The following CBX7 variants were observed in gnomAD, a reference collection of about 807,000 sequenced individuals.
CBX7 encodes chromobox 7.
A neutral mutation model predicts 31.4 loss-of-function variants in CBX7; 14 were observed. The ratio of observed to expected loss-of-function variants is 0.45; its 90% confidence interval spans 0.29 to 0.70. The LOEUF (loss-of-function observed/expected upper bound fraction) is 0.70. Among genes scored for constraint, CBX7 ranks in the 30% least tolerant of loss-of-function variants. The probability of loss-of-function intolerance (pLI) is 0.11; values close to 1 mark genes in which losing one functional copy is unlikely to be tolerated. For missense variants in CBX7, 269 were observed against 351.9 expected (o/e 0.76, Z 1.89); for synonymous variants, 159 against 152.6 (o/e 1.04, Z -0.31).
intron 2 of CBX7, among the ~76,000 whole-genome samples, chr22:39,142,269 CTG>C (rs901222923): frequency 1.8e-4 from 27 of 152,300 alleles, no homozygotes; most frequent in African/African-American, 6.5e-4. Flanking sequence ...CGTCAGCGCA[CTG>C]TGTTTGCTGC....
chr22:39,133,244 G>T lies in CBX7; in HGVS notation c.*647C>A, dbSNP rs1930110632. On this transcript the variant is annotated 3_prime_UTR_variant, in exon 6 of 6. Transcript: ENST00000216133. The stretch of plus-strand genomic sequence containing the variant: ...TAATGCGTGCACACCTGTGCAGCCA[G>T]GTGTGCATGAGCGTTTCTGCACAGG... The T allele has an allele frequency of 6.6e-6, 1 of 152,224 alleles. No homozygotes were observed. Among genetic ancestry groups the T allele is most frequent in the Non-Finnish European group, 1.5e-5 (1 of 68,094 alleles). The allele number at this position is 152,224 out of a possible 1,614,324, so 9.4% of individuals were successfully genotyped here. A position where few individuals can be genotyped will look rare whatever the true frequency, so the allele number is the denominator to read the frequency against.
Position 39,152,335 on chromosome 22 carries a change from AC to A in CBX7, c.69+40del. Reference sequence around the variant, plus strand: ...GGGAGCGGTGCTGGGGACGGGAGGGACCCCACTGGGGTCCTGGGAGCCGCCC... The same window carrying A: ...GGGAGCGGTGCTGGGGACGGGAGGGACCCACTGGGGTCCTGGGAGCCGCCC... On this transcript the variant is annotated intron_variant, in intron 1 of 5. Transcript: ENST00000216133. The surrounding 1 kb of genome is among the most constrained non-coding windows in gnomAD (Gnocchi z 4.9). The A allele has an allele frequency of 1.5e-6, 2 of 1,301,414 alleles. No homozygotes were observed. Among genetic ancestry groups the A allele is most frequent in the South Asian group, 3.5e-5 (2 of 56,980 alleles). 80.6% of individuals were successfully genotyped at this position (1,301,414 alleles called of 1,614,324 possible).
At chr22:39,143,505 C>T (rs1452042314) in intron 2 of CBX7, among the ~76,000 whole-genome samples, 2 of 152,130 alleles carry the variant, frequency 1.3e-5, no homozygotes, top group Non-Finnish European at 2.9e-5. Flanking sequence ...AAAAATATTT[C>T]TGTATAAATT....
intron 2 of CBX7, among the ~76,000 whole-genome samples, chr22:39,145,567 G>A (rs1422571982): frequency 6.6e-6 from 1 of 151,944 alleles, no homozygotes; most frequent in Non-Finnish European, 1.5e-5. Context: ...GTGGACACCG[G>A]GGGACTGCGG....
rs1184556630 is a variant in CBX7, at chr22:39,131,067, A to G, written c.*2824T>C. Reference sequence around the variant, plus strand: ...TCTTGTGCTGAGACCTGGTGGCCGCAGCTGGCCACTTCGAAAGCAAAAGCT... The same window carrying G: ...TCTTGTGCTGAGACCTGGTGGCCGCGGCTGGCCACTTCGAAAGCAAAAGCT... On this transcript the variant is annotated 3_prime_UTR_variant, in exon 6 of 6. Coordinates refer to ENST00000216133, the MANE Select transcript of CBX7 (RefSeq NM_175709.5). 1 of 152,634 alleles carries G rather than the reference A, an allele frequency of 6.6e-6. No individual in the cohort carries two copies. Among genetic ancestry groups the G allele is most frequent in the Non-Finnish European group, 1.5e-5 (1 of 68,046 alleles). 9.5% of individuals were successfully genotyped at this position (152,634 alleles called of 1,614,324 possible).
intron 4 of CBX7, chr22:39,136,075 G>A (rs1348945243): frequency 6.8e-6 from 1 of 146,438 alleles, no homozygotes; most frequent in African/African-American, 2.6e-5. Context: ...GGGCGACAGA[G>A]CGAGACTCTG....
intron 1 of CBX7, among the ~76,000 whole-genome samples, chr22:39,150,069 C>G (rs139401): frequency 0.42 from 63,901 of 151,954 alleles, 13,769 homozygotes; most frequent in African/African-American, 0.47. Flanking sequence ...GTGCGTCTGG[C>G]TCCAGCCACC....
chr22:39,139,300 T>C (rs1443400067), intron 3 of CBX7, among the ~76,000 whole-genome samples: 1 of 152,030 alleles, frequency 6.6e-6, no homozygotes, highest in African/African-American at 2.4e-5. Context: ...AAAGCACAAC[T>C]CAGGCCGGGT....
intron 5 of CBX7, 163 bp from the exon 6 acceptor site, chr22:39,134,211 C>T: frequency 1.2e-6 from 1 of 859,372 alleles, no homozygotes; most frequent in Non-Finnish European, 1.7e-6. Flanking sequence ...GGTGCATCCT[C>T]CCCACCTAGA....
chr22:39,131,930 C>T lies in CBX7; in HGVS notation c.*1961G>A, dbSNP rs139384. The T allele has an allele frequency of 0.69, 104,630 of 152,170 alleles. 37,278 individuals carry two copies. The highest frequency in any genetic ancestry group is 0.9 in the African/African-American group (37,210 of 41,522). The allele number at this position is 152,170 out of a possible 1,614,324, so 9.4% of individuals were successfully genotyped here. On this transcript the variant is annotated 3_prime_UTR_variant, in exon 6 of 6. Coordinates refer to ENST00000216133, the MANE Select transcript of CBX7 (RefSeq NM_175709.5). Reference sequence around the variant, plus strand: ...CTGGGCACCCCTCTCCTGGAAGAGTCCCCTCTGAACCCCAAGCTTCCCCTT... The same window carrying T: ...CTGGGCACCCCTCTCCTGGAAGAGTTCCCTCTGAACCCCAAGCTTCCCCTT...
chr22:39,133,974 T>C lies in CBX7; in HGVS notation c.673A>G (p.Ile225Val), dbSNP rs750001523. Residue 225 changes from isoleucine to valine, a missense_variant, in exon 6 of 6, where the codon ATC becomes GTC. Ile to Val is a conservative substitution (Grantham distance 29). Around this residue, in one of 2 missense-constraint regions of CBX7, gnomAD observed 222 missense variants for 240.4 expected, o/e 0.92. Coordinates refer to ENST00000216133, the MANE Select transcript of CBX7 (RefSeq NM_175709.5). ...GTGACGGTGATGGAGTTGGCGGTGA[T>C]GTCGGTCACGGTCACCTCACTTGAG... is the stretch of plus-strand genomic sequence containing the variant. ...LPSSEVTVTDITANSITVTFR... is the reference protein window; with the variant it reads ...LPSSEVTVTDVTANSITVTFR... 9 of 1,613,830 alleles carry C rather than the reference T, an allele frequency of 5.6e-6. No individual in the cohort carries two copies. The South Asian group carries it at 9.9e-5, about 18-fold the overall frequency.
chr22:39,149,861 A>T (rs1203019020), intron 1 of CBX7, 29 bp from the exon 2 acceptor site: 2 of 1,607,652 alleles, frequency 1.2e-6, no homozygotes, highest in African/African-American at 2.7e-5. Context: ...AGACACAGTG[A>T]GTCTCGTGGT....
At chr22:39,136,164 G>T (rs937451929) in intron 4 of CBX7, 1 of 151,872 alleles carries the variant, frequency 6.6e-6, no homozygotes. Flanking sequence ...TACGTCCTTG[G>T]CAACCTCATC....
intron 1 of CBX7, among the ~76,000 whole-genome samples, chr22:39,150,516 C>T (rs954361514): frequency 1.3e-5 from 2 of 152,204 alleles, no homozygotes; most frequent in Non-Finnish European, 2.9e-5. Flanking sequence ...AGCCTGTCAT[C>T]CCAACACTTT....
intron 1 of CBX7, among the ~76,000 whole-genome samples, chr22:39,151,417 C>G (rs1201290232): frequency 6.6e-6 from 1 of 152,216 alleles, no homozygotes. Context: ...AGCTCCTGCT[C>G]TACCTCCCTA....
chr22:39,142,216 G>A (rs1361288760), intron 2 of CBX7, among the ~76,000 whole-genome samples: 2 of 152,144 alleles, frequency 1.3e-5, no homozygotes, highest in African/African-American at 4.8e-5. Flanking sequence ...TGTATTCCAA[G>A]TGTTTAGAGG....
chr22:39,139,585 C>T (rs1422843048), intron 3 of CBX7, among the ~76,000 whole-genome samples: 1 of 151,712 alleles, frequency 6.6e-6, no homozygotes, highest in Non-Finnish European at 1.5e-5. Flanking sequence ...CACCTGTAGT[C>T]CCAGCTACTC....
chr22:39,136,783 G>C (rs750717129), intron 4 of CBX7: 1 of 152,302 alleles, frequency 6.6e-6, no homozygotes. Context: ...TGTAGGCTTA[G>C]TATGTGGATG....
chr22:39,133,512 C>T lies in CBX7; in HGVS notation c.*379G>A, dbSNP rs1930120914. 6.1e-6 allele frequency: 1 copy of T among 163,216 alleles called. No homozygotes were observed. The highest frequency in any genetic ancestry group is 6.4e-5 in the Admixed American group (1 of 15,618). The allele number at this position is 163,216 out of a possible 1,614,324, so 10.1% of individuals were successfully genotyped here. ...TTGAAACAAGAGAAAAGGGGAAAACCAGCCAACCAGGCTGGGGTGGCCACT... is the reference window on the plus strand; with the variant it reads ...TTGAAACAAGAGAAAAGGGGAAAACTAGCCAACCAGGCTGGGGTGGCCACT... On this transcript the variant is annotated 3_prime_UTR_variant, in exon 6 of 6. Transcript: ENST00000216133.
Sources: allele counts gnomAD v4.1 joint callset (sites outside exome capture counted in the v4.1 genomes callset), GRCh38; gene constraint gnomAD v4.1.1; regional missense constraint gnomAD v4.1.1; non-coding constraint Gnocchi (gnomAD v3.1); transcripts MANE v1.5; gene names NCBI Gene and HGNC (gene_info 2026-07-23, HGNC 2026-07-21).